COL6A3: variants seen among roughly 807,000 people sequenced by gnomAD.
COL6A3 encodes the protein collagen type VI alpha 3 chain.
COL6A3 carries 137 observed loss-of-function variants against 274.1 expected under a neutral mutation model. The observed-to-expected ratio is 0.50, with a 90% CI of 0.44 to 0.58. The LOEUF is 0.58. Ranked by LOEUF, COL6A3 falls within the 20% of genes least tolerant of loss-of-function variation. COL6A3 has a pLI of 0.00. For missense variants in COL6A3, 3,950 were observed against 4,124.9 expected (o/e 0.96, Z 1.16); for synonymous variants, 1,650 against 1,650.6 (o/e 1.00, Z 0.01).
At chr2:237,337,581 T>A (rs1700612664) in intron 39 of COL6A3, among the ~76,000 whole-genome samples, 1 of 152,234 alleles carries the variant, frequency 6.6e-6, no homozygotes, top group African/African-American at 2.4e-5. Context: ...CAGATAGTCA[T>A]TTTTCAAGGA....
chr2:237,331,860 C>T (rs1700245122), intron 42 of COL6A3, among the ~76,000 whole-genome samples: 1 of 151,016 alleles, frequency 6.6e-6, no homozygotes, highest in Non-Finnish European at 1.5e-5. Flanking sequence ...GAGGGTTATG[C>T]CCCAATTAGT....
Position 237,367,178 on chromosome 2 carries a change from T to A in COL6A3, c.5009A>T (p.Tyr1670Phe). 6.2e-7 allele frequency: 1 copy of A among 1,614,194 alleles called. No individual in the cohort carries two copies. Among genetic ancestry groups the A allele is most frequent in the Non-Finnish European group, 8.5e-7 (1 of 1,180,040 alleles). The part of the protein sequence containing the change: ...RFVSEIVDTV[Y>F]EDGDSIQVGL... The stretch of plus-strand genomic sequence containing the variant: ...CACTTGGATGGAGTCGCCATCTTCA[T>A]AAACTGTGTCCACTATTTCAGACAC... Residue 1670 changes from tyrosine (Y) to phenylalanine (F), a missense_variant, in exon 11 of 44, where the codon TAT (tyrosine) becomes TTT (phenylalanine). This residue lies in a region of COL6A3 where 632 missense variants were observed against 623.4 expected (regional missense o/e 1.01). Transcript: ENST00000295550.
chr2:237,394,579 G>T lies in COL6A3; in HGVS notation c.709+8C>A. 3 of 1,613,844 alleles carry T rather than the reference G, an allele frequency of 1.9e-6. No homozygotes were observed. Among genetic ancestry groups the T allele is most frequent in the Non-Finnish European group, 8.5e-7 (1 of 1,180,032 alleles). ...GGGCAGGGCGTAGCTTGGTGGCGTT[G>T]CCATTACCTGTGATGTCTTTAAGGG... On this transcript the variant is annotated splice_region_variant and intron_variant, in intron 3 of 43. Coordinates refer to ENST00000295550, the MANE Select transcript of COL6A3 (RefSeq NM_004369.4).
chr2:237,376,479 A>G (rs915259094), intron 7 of COL6A3, among the ~76,000 whole-genome samples: 10 of 152,356 alleles, frequency 6.6e-5, no homozygotes, highest in Middle Eastern at 3.4e-3. Context: ...CTGTTTTTAA[A>G]AAAGGATTTT....
At chr2:237,335,450 T>C (rs535926728) in intron 40 of COL6A3, among the ~76,000 whole-genome samples, 1 of 152,338 alleles carries the variant, frequency 6.6e-6, no homozygotes, top group African/African-American at 2.4e-5. Flanking sequence ...TCTAATTCAG[T>C]CTGAAATATA....
chr2:237,395,304 C>T, intron 2 of COL6A3, 100 bp from the exon 3 acceptor site: 1 of 1,180,908 alleles, frequency 8.5e-7, no homozygotes. Context: ...CACTATACTG[C>T]TACTAAACAC....
intron 1 of COL6A3, among the ~76,000 whole-genome samples, chr2:237,410,192 G>A (rs897110568): frequency 1.3e-5 from 2 of 151,906 alleles, no homozygotes; most frequent in African/African-American, 4.8e-5. Flanking sequence ...CACCACTTCA[G>A]AGATTTTTCT....
At chr2:237,338,601 G>GA (rs911055664) in intron 39 of COL6A3, among the ~76,000 whole-genome samples, 17 of 150,478 alleles carry the variant, frequency 1.1e-4, no homozygotes, top group South Asian at 4.2e-4. Context: ...CATCTCTACT[G>GA]AAAAAAAAAT....
At position 237,388,064 on chromosome 2, in the gene COL6A3, T is replaced by C; in HGVS notation, c.830A>G (p.Gln277Arg). ...CTGGACCACCCCCACTCGGATCTGC[T>C]GAGTTCCAATTGGGAGTTTCTCAAG... ...NLLEKLPIGT[Q>R]QIRVGVVQFS... Residue 277 changes from glutamine to arginine, a missense_variant, in exon 4 of 44, where the codon CAG (glutamine) becomes CGG (arginine). Transcript: ENST00000295550. 6.2e-7 allele frequency: 1 copy of C among 1,614,234 alleles called. No individual in the cohort carries two copies. The highest frequency in any genetic ancestry group is 8.5e-7 in the Non-Finnish European group (1 of 1,180,038).
In COL6A3 at chr2:237,374,407, C is replaced by T. The variant is rs138878144; in HGVS notation, c.3679+5G>A. 10 of 1,611,492 alleles carry T rather than the reference C, an allele frequency of 6.2e-6. No individual in the cohort carries two copies. Among genetic ancestry groups the T allele is most frequent in the South Asian group, 2.2e-5 (2 of 91,004 alleles). On this transcript the variant is annotated splice_donor_5th_base_variant and intron_variant, in intron 8 of 43. Transcript: ENST00000295550. This position sits in a 1 kb window ranked among gnomAD's most constrained non-coding sequence, Gnocchi z 4.8. Reference sequence around the variant, plus strand: ...GAGTGAGGATGCAAAGAGTTCCCTGCGTACCTGGGCTCGGTAGAGGCTGCA... The same window carrying T: ...GAGTGAGGATGCAAAGAGTTCCCTGTGTACCTGGGCTCGGTAGAGGCTGCA...
chr2:237,353,693 G>C (rs548483249), intron 24 of COL6A3, among the ~76,000 whole-genome samples: 55 of 152,290 alleles, frequency 3.6e-4, no homozygotes, highest in African/African-American at 1.1e-3. Context: ...GAGACACCGG[G>C]AAGTTGCGGG....
chr2:237,401,408 G>A (rs186381084), intron 1 of COL6A3, among the ~76,000 whole-genome samples: 1 of 152,174 alleles, frequency 6.6e-6, no homozygotes, highest in East Asian at 1.9e-4. Context: ...AGTTTTTAGT[G>A]CACAGGTTTT....
At chr2:237,387,517 C>T (rs2078173583) in intron 4 of COL6A3, 65 bp downstream of exon 4, 11 of 1,611,178 alleles carry the variant, frequency 6.8e-6, no homozygotes, top group South Asian at 2.2e-5. Context: ...ACCCACCTTA[C>T]GTCTATGTAA....
At chr2:237,350,652 T>C (rs2077186222) in intron 27 of COL6A3, among the ~76,000 whole-genome samples, 1 of 152,226 alleles carries the variant, frequency 6.6e-6, no homozygotes, top group Non-Finnish European at 1.5e-5. Flanking sequence ...GCAGCCTTCA[T>C]ACAGCAGACT....
chr2:237,324,685 G>T lies in COL6A3; in HGVS notation c.*89C>A. 1 of 1,198,058 alleles carries T rather than the reference G, an allele frequency of 8.3e-7. No individual in the cohort carries two copies. The allele number at this position is 1,198,058 out of a possible 1,614,324, so 74.2% of individuals were successfully genotyped here. Reference sequence around the variant, plus strand: ...AAAGCATGAAATGATACAGTGCAAGGGAATCTACACCCGGAGCTTCTACAG... The same window carrying T: ...AAAGCATGAAATGATACAGTGCAAGTGAATCTACACCCGGAGCTTCTACAG... On this transcript the variant is annotated 3_prime_UTR_variant, in exon 44 of 44. Transcript: ENST00000295550.
intron 31 of COL6A3, among the ~76,000 whole-genome samples, chr2:237,347,190 G>A (rs912308378): frequency 2.0e-5 from 3 of 152,044 alleles, no homozygotes; most frequent in South Asian, 2.1e-4. Context: ...TGGGAGGATC[G>A]CTTGATCCCA....
At chr2:237,400,533 A>G (rs192215198) in intron 1 of COL6A3, among the ~76,000 whole-genome samples, 1 of 152,242 alleles carries the variant, frequency 6.6e-6, no homozygotes, top group East Asian at 1.9e-4. Flanking sequence ...TGAAATATAC[A>G]ATCCACCAAG....
intron 41 of COL6A3, among the ~76,000 whole-genome samples, chr2:237,334,305 G>C (rs1405843978): frequency 6.6e-6 from 1 of 152,186 alleles, no homozygotes; most frequent in Admixed American, 6.5e-5. Flanking sequence ...AGCCCTCACC[G>C]GGAGACGTGG....
chr2:237,325,811 T>C lies in COL6A3; in HGVS notation c.9329-87A>G. ...GCTGGGGCTGACAGTCTGATGACCC[T>C]ACTGTGGCAGAAGGAAAAAAAAGAA... On this transcript the variant is annotated intron_variant, in intron 42 of 43. Coordinates refer to ENST00000295550, the MANE Select transcript of COL6A3 (RefSeq NM_004369.4). The C allele has an allele frequency of 3.4e-6, 4 of 1,164,158 alleles. No homozygotes were observed. The South Asian group carries it at 5.4e-5, about 16-fold the overall frequency. The allele number at this position is 1,164,158 out of a possible 1,614,324, so 72.1% of individuals were successfully genotyped here.
Sources: allele counts gnomAD v4.1 joint callset (sites outside exome capture counted in the v4.1 genomes callset), GRCh38; gene constraint gnomAD v4.1.1; regional missense constraint gnomAD v4.1.1; non-coding constraint Gnocchi (gnomAD v3.1); transcripts MANE v1.5; gene names NCBI Gene and HGNC (gene_info 2026-07-23, HGNC 2026-07-21).